MTRF1: variants seen among roughly 807,000 people sequenced by gnomAD.
MTRF1 encodes the protein peptide chain release factor 1, mitochondrial.
In MTRF1, 51 loss-of-function variants were observed where a neutral mutation model predicts 62.9. That is an observed-to-expected ratio of 0.81 (90% CI 0.65 to 1.02). MTRF1 has a LOEUF of 1.02. Ranked by LOEUF, MTRF1 falls within the 50% of genes least tolerant of loss-of-function variation. The pLI is 0.00. For synonymous variants in MTRF1, 158 were observed against 181.9 expected (o/e 0.87, Z 1.06); for missense variants, 446 against 530.0 (o/e 0.84, Z 1.56).
chr13:41,303,201 A>G, the MTRF1 span, among the ~76,000 whole-genome samples: 52 of 152,028 alleles, frequency 3.4e-4, no homozygotes, highest in Non-Finnish European at 5.7e-4. Context: ...ATTTTTTTGG[A>G]CTACTTTGAT....
chr13:41,283,584 T>C, the MTRF1 span, among the ~76,000 whole-genome samples: 1 of 100,462 alleles, frequency 1.0e-5, no homozygotes. Context: ...GCTCTGACAA[T>C]CTTTTTTTTT....
chr13:41,296,539 T>C, the MTRF1 span, among the ~76,000 whole-genome samples: 33 of 152,354 alleles, frequency 2.2e-4, no homozygotes, highest in African/African-American at 7.2e-4. Flanking sequence ...TGTAGAGATA[T>C]TAAATTATTT....
chr13:41,247,780 T>A (rs1229372656), intron 5 of MTRF1, among the ~76,000 whole-genome samples: 1 of 152,130 alleles, frequency 6.6e-6, no homozygotes, highest in Non-Finnish European at 1.5e-5. Flanking sequence ...CTGCTGAGTA[T>A]GTCTACTCCA....
In MTRF1 at chr13:41,223,249, G is replaced by A; in HGVS notation, c.1224+7C>T. 1 of 1,593,474 alleles carries A rather than the reference G, an allele frequency of 6.3e-7. No homozygotes were observed. Among genetic ancestry groups the A allele is most frequent in the Non-Finnish European group, 8.6e-7 (1 of 1,162,360 alleles). Reference sequence around the variant, plus strand: ...AAAGGTAGGCAAAGCATACTCAGTAGTATTACCTTAATATCACGAACTTCA... The same window carrying A: ...AAAGGTAGGCAAAGCATACTCAGTAATATTACCTTAATATCACGAACTTCA... On this transcript the variant is annotated splice_region_variant and intron_variant, in intron 9 of 9. Transcript: ENST00000379480.
the MTRF1 span, among the ~76,000 whole-genome samples, chr13:41,285,845 C>A: frequency 1.3e-5 from 2 of 152,020 alleles, no homozygotes; most frequent in Non-Finnish European, 2.9e-5. Flanking sequence ...CTGCAGATTG[C>A]CTGAGGTCAA....
upstream of MTRF1, among the ~76,000 whole-genome samples, chr13:41,265,790 G>A (rs578230886): frequency 3.3e-5 from 5 of 152,102 alleles, no homozygotes; most frequent in African/African-American, 4.8e-5. Context: ...TCCCAATCTC[G>A]CAAGAGGCTA....
At chr13:41,227,700 T>G (rs2034708849) in intron 7 of MTRF1, among the ~76,000 whole-genome samples, 1 of 152,260 alleles carries the variant, frequency 6.6e-6, no homozygotes, top group African/African-American at 2.4e-5. Context: ...CCCATTAGCT[T>G]AGCCTATCTG....
At chr13:41,250,272 T>C (rs2038900164) in intron 5 of MTRF1, among the ~76,000 whole-genome samples, 1 of 152,174 alleles carries the variant, frequency 6.6e-6, no homozygotes, top group Admixed American at 6.5e-5. Context: ...CTCATCCTTT[T>C]TCTGATTATC....
At chr13:41,256,808 T>C (rs183313855) in intron 2 of MTRF1, among the ~76,000 whole-genome samples, 92 of 152,352 alleles carry the variant, frequency 6.0e-4, no homozygotes, top group Admixed American at 2.2e-3. Flanking sequence ...GTAGAATCCG[T>C]CTAATTCAAT....
intron 2 of MTRF1, among the ~76,000 whole-genome samples, chr13:41,259,712 A>AAAAAAAAACAAAAAAAAAAAAAC (rs1555268026): frequency 7.3e-6 from 1 of 136,710 alleles, no homozygotes; most frequent in Non-Finnish European, 1.6e-5. Context: ...AAAAAAAAAA[A>AAAAAAAAACAAAAAAAAAAAAAC]AAAAAAAAAC....
At chr13:41,258,067 A>C (rs2039961289) in intron 2 of MTRF1, among the ~76,000 whole-genome samples, 1 of 152,252 alleles carries the variant, frequency 6.6e-6, no homozygotes, top group South Asian at 2.1e-4. Context: ...TGCATTTCAT[A>C]AACTTCTACT....
At chr13:41,245,249 C>CTT (rs35926535) in intron 5 of MTRF1, among the ~76,000 whole-genome samples, 48 of 147,750 alleles carry the variant, frequency 3.2e-4, no homozygotes, top group East Asian at 5.9e-4. Flanking sequence ...CTTCATATTG[C>CTT]TTTTTTTTTT....
chr13:41,254,699 G>A, intron 2 of MTRF1, 79 bp from the exon 3 acceptor site: 2 of 1,036,446 alleles, frequency 1.9e-6, no homozygotes, highest in South Asian at 2.9e-5. Context: ...GTTCCTCTTT[G>A]GCTACTAAGT....
chr13:41,241,938 C>T (rs2037558209), intron 5 of MTRF1, among the ~76,000 whole-genome samples: 1 of 152,204 alleles, frequency 6.6e-6, no homozygotes, highest in Admixed American at 6.5e-5. Flanking sequence ...ACACTGAATG[C>T]ATCACTGGGG....
intron 7 of MTRF1, 65 bp downstream of exon 7, chr13:41,233,825 T>G (rs2036010475): frequency 7.6e-7 from 1 of 1,311,250 alleles, no homozygotes; most frequent in Admixed American, 1.7e-5. Context: ...ATAGGACTAT[T>G]TCCTTCCAAA....
Position 41,260,982 on chromosome 13 carries a change from G to C in MTRF1, c.-8-67C>G, listed in dbSNP as rs538333490. On this transcript the variant is annotated intron_variant, in intron 1 of 9. Coordinates refer to ENST00000379480, the MANE Select transcript of MTRF1 (RefSeq NM_004294.4). The stretch of plus-strand genomic sequence containing the variant: ...TAAAGATACATGCATAATAAACCTG[G>C]AAGGAACATCAAGAAATCTTGTTTC... 1.1e-5 allele frequency: 15 copies of C among 1,365,250 alleles called. No individual in the cohort carries two copies. In the East Asian group the frequency reaches 3.4e-4, roughly 31 times the overall value. 84.6% of individuals were successfully genotyped at this position (1,365,250 alleles called of 1,614,324 possible).
chr13:41,291,096 CAA>C, the MTRF1 span, among the ~76,000 whole-genome samples: 568 of 143,328 alleles, frequency 4.0e-3, 8 homozygotes, highest in African/African-American at 0.013. Context: ...AACTCCGTCT[CAA>C]AAAAAAAAAA....
At chr13:41,297,564 C>G in the MTRF1 span, among the ~76,000 whole-genome samples, 1 of 151,526 alleles carries the variant, frequency 6.6e-6, no homozygotes, top group African/African-American at 2.4e-5. Context: ...AGATCAGGTA[C>G]TACTTTTAAT....
chr13:41,301,741 C>A, the MTRF1 span, among the ~76,000 whole-genome samples: 5 of 151,352 alleles, frequency 3.3e-5, no homozygotes, highest in Non-Finnish European at 1.5e-5. Context: ...GAGTGAGACT[C>A]CGTCTCAAAA....
Sources: gnomAD v4.1 joint callset for allele counts (sites outside exome capture counted in the v4.1 genomes callset) on GRCh38, gnomAD v4.1.1 for gene constraint, MANE v1.5 for transcripts, NCBI Gene and HGNC (gene_info 2026-07-23, HGNC 2026-07-21) for gene names.